The following SLC16A7 variants were observed in gnomAD, a reference collection of about 807,000 sequenced individuals.
The protein encoded by SLC16A7 is monocarboxylate transporter 2.
In SLC16A7, 33 loss-of-function variants were observed where a neutral mutation model predicts 34.9. The observed-to-expected ratio is 0.94, with a 90% CI of 0.72 to 1.26. The LOEUF (loss-of-function observed/expected upper bound fraction) is 1.26. SLC16A7 is among the 50% of genes most tolerant of loss of function. The probability of loss-of-function intolerance (pLI) is 0.00; values close to 1 mark genes in which losing one functional copy is unlikely to be tolerated. For missense variants in SLC16A7, 573 were observed against 578.1 expected, an observed-to-expected ratio of 0.99 and a Z score of 0.09; for synonymous variants, 201 against 206.6, an observed-to-expected ratio of 0.97 and a Z score of 0.23.
At chr12:59,714,761 C>T (rs114495638) in intron 3 of SLC16A7, among the ~76,000 whole-genome samples, 1,658 of 152,148 alleles carry the variant, frequency 0.011, 22 homozygotes, top group African/African-American at 0.038. Context: ...TATGGGGTTT[C>T]GCCACATTGG....
intron 3 of SLC16A7, among the ~76,000 whole-genome samples, chr12:59,726,946 G>GA (rs147784249): frequency 0.035 from 5,251 of 151,858 alleles, 281 homozygotes; most frequent in African/African-American, 0.12. Flanking sequence ...AGTCACCTCA[G>GA]AAAATTTTAA....
At chr12:59,655,073 T>C (rs1868467320) in intron 1 of SLC16A7, 79 bp from the exon 2 acceptor site, 1 of 151,976 alleles carries the variant, frequency 6.6e-6, no homozygotes, top group Non-Finnish European at 1.5e-5. Flanking sequence ...CTTTCAGATA[T>C]GGAGTTGGAT....
chr12:59,727,163 T>G (rs1592585793), intron 3 of SLC16A7, among the ~76,000 whole-genome samples: 1 of 143,932 alleles, frequency 6.9e-6, no homozygotes, highest in Admixed American at 6.9e-5. Context: ...TATATATATA[T>G]ATATATAATA....
chr12:59,774,715 T>C lies in SLC16A7; in HGVS notation c.420T>C (p.Tyr140=). 3 of 1,612,326 alleles carry C rather than the reference T, an allele frequency of 1.9e-6. No individual in the cohort carries two copies. Among genetic ancestry groups the C allele is most frequent in the Admixed American group, 3.4e-5 (2 of 59,624 alleles). Residue 140 remains tyrosine, a synonymous_variant, in exon 5 of 6, where the codon TAT becomes TAC. Coordinates refer to ENST00000547379, the MANE Select transcript of SLC16A7 (RefSeq NM_001270623.2). ...PALTIIGKYF[Y]RKRPMANGLA... is the part of the protein sequence containing the mutation. ...TAACCATAATTGGCAAATACTTCTATAGGAAGCGACCCATGGCAAATGGAT... is the reference window on the plus strand; with the variant it reads ...TAACCATAATTGGCAAATACTTCTACAGGAAGCGACCCATGGCAAATGGAT...
At position 59,742,543 on chromosome 12, in the gene SLC16A7, C is replaced by T. The variant is rs564883583; in HGVS notation, c.218-28676C>T. Among the ~76,000 whole-genome samples, 15 of 152,218 alleles carry T rather than the reference C, an allele frequency of 9.9e-5. No individual in the cohort carries two copies. The South Asian group carries it at 2.9e-3, about 29-fold the overall frequency. On this transcript the variant is annotated intron_variant, in intron 3 of 5. Coordinates refer to ENST00000547379, the MANE Select transcript of SLC16A7 (RefSeq NM_001270623.2). ...GAAATCACAGTGGAGATGGGAAAATCAAGTGTTCTGCAGTTTAAAGAGAAA... is the reference window on the plus strand; with the variant it reads ...GAAATCACAGTGGAGATGGGAAAATTAAGTGTTCTGCAGTTTAAAGAGAAA...
intron 2 of SLC16A7, among the ~76,000 whole-genome samples, chr12:59,700,953 A>G (rs1035221623): frequency 4.0e-5 from 6 of 151,760 alleles, no homozygotes; most frequent in African/African-American, 1.4e-4. Context: ...CTTGTGAGGT[A>G]GGTACTCCAT....
rs967674005 is a variant in SLC16A7, at chr12:59,779,526, C to G, written c.1284C>G (p.Asn428Lys). The G allele has an allele frequency of 4.3e-6, 7 of 1,612,518 alleles. No individual in the cohort carries two copies. The highest frequency in any genetic ancestry group is 1.7e-5 in the Admixed American group (1 of 59,818). The part of the protein sequence containing the change: ...SVWLLIGNAI[N>K]YRLLAKERKE... The stretch of plus-strand genomic sequence containing the variant: ...GGCTGCTCATTGGCAATGCTATCAA[C>G]TATAGATTGCTTGCAAAGGAAAGGA... Residue 428 changes from asparagine (N) to lysine (K), a missense_variant, in exon 6 of 6, where the codon AAC becomes AAG. Coordinates refer to ENST00000547379, the MANE Select transcript of SLC16A7 (RefSeq NM_001270623.2).
intron 3 of SLC16A7, chr12:59,719,910 G>A (rs189349033): frequency 7.6e-6 from 4 of 523,100 alleles, no homozygotes; most frequent in Admixed American, 3.9e-5. Context: ...TGGAAAGTTG[G>A]CATTTATCAG....
At position 59,776,626 on chromosome 12, in the gene SLC16A7, G is replaced by A. The variant is rs548192395; in HGVS notation, c.1180+1151G>A. On this transcript the variant is annotated intron_variant, in intron 5 of 5. Transcript: ENST00000547379. ...ATGACATCAAGGAACCATTCTGAAA[G>A]TGTGAAAAGTTATGTTTAATTTGTT... 5.9e-5 allele frequency among the ~76,000 whole-genome samples: 9 copies of A among 152,222 alleles called. No individual in the cohort carries two copies. The East Asian group carries it at 9.7e-4, about 16-fold the overall frequency.
intron 1 of SLC16A7, among the ~76,000 whole-genome samples, chr12:59,613,769 ATC>A (rs1398827621): frequency 2.0e-5 from 3 of 152,186 alleles, no homozygotes; most frequent in Admixed American, 6.5e-5. Context: ...AGCATGGAAC[ATC>A]TGTGTTTTAG....
chr12:59,656,607 T>C (rs1440355764), intron 2 of SLC16A7, among the ~76,000 whole-genome samples: 1 of 152,008 alleles, frequency 6.6e-6, no homozygotes, highest in Non-Finnish European at 1.5e-5. Context: ...AACAAATTTG[T>C]GCTGCTTTAA....
intron 1 of SLC16A7, among the ~76,000 whole-genome samples, chr12:59,608,539 G>C (rs947418018): frequency 8.5e-5 from 13 of 152,124 alleles, no homozygotes; most frequent in African/African-American, 3.1e-4. Flanking sequence ...CCTGTAGGCC[G>C]CATTAGCATC....
intron 2 of SLC16A7, among the ~76,000 whole-genome samples, chr12:59,697,960 G>T (rs996179013): frequency 1.3e-5 from 2 of 151,658 alleles, no homozygotes; most frequent in African/African-American, 4.8e-5. Flanking sequence ...AGAACTTGGG[G>T]TACAATAATT....
chr12:59,638,316 T>C (rs1054777027), intron 1 of SLC16A7, among the ~76,000 whole-genome samples: 10 of 152,160 alleles, frequency 6.6e-5, no homozygotes, highest in Non-Finnish European at 1.2e-4. Context: ...GGAGTGACTT[T>C]CTAGATTTTA....
At chr12:59,604,168 A>T (rs1878823964) in intron 1 of SLC16A7, among the ~76,000 whole-genome samples, 1 of 152,256 alleles carries the variant, frequency 6.6e-6, no homozygotes, top group Admixed American at 6.5e-5. Flanking sequence ...CTTCAAGGAT[A>T]ACAATGGTTT....
chr12:59,647,866 C>T (rs1868274285), intron 1 of SLC16A7, among the ~76,000 whole-genome samples: 1 of 151,554 alleles, frequency 6.6e-6, no homozygotes, highest in Non-Finnish European at 1.5e-5. Context: ...AACATGGTGA[C>T]CACAAAACAT....
chr12:59,679,264 A>G (rs1397943744), intron 2 of SLC16A7, among the ~76,000 whole-genome samples: 1 of 152,034 alleles, frequency 6.6e-6, no homozygotes. Context: ...GGAGTGCAAG[A>G]CTTCTGCCTT....
At chr12:59,752,681 G>C (rs1228987541) in intron 3 of SLC16A7, among the ~76,000 whole-genome samples, 1 of 152,160 alleles carries the variant, frequency 6.6e-6, no homozygotes, top group Non-Finnish European at 1.5e-5. Context: ...AAAACACTCT[G>C]CAGGATATTA....
intron 3 of SLC16A7, among the ~76,000 whole-genome samples, chr12:59,721,620 A>G (rs1232431703): frequency 6.6e-6 from 1 of 151,862 alleles, no homozygotes; most frequent in Non-Finnish European, 1.5e-5. Context: ...AAACTTCTTG[A>G]AAGTGTTGCT....
Sources: gnomAD v4.1 joint callset for allele counts (sites outside exome capture counted in the v4.1 genomes callset) on GRCh38, gnomAD v4.1.1 for gene constraint, MANE v1.5 for transcripts, NCBI Gene and HGNC (gene_info 2026-07-23, HGNC 2026-07-21) for gene names.